The following CLEC1B variants were observed in gnomAD, a reference collection of about 807,000 sequenced individuals.
The protein encoded by CLEC1B is C-type lectin-like receptor 2.
Under a neutral mutation model 26.7 loss-of-function variants are expected in CLEC1B, and 26 were observed. The ratio of observed to expected loss-of-function variants is 0.97; its 90% CI spans 0.71 to 1.35. CLEC1B has a LOEUF of 1.35. Among genes scored for constraint, CLEC1B ranks in the 40% most tolerant of loss-of-function variants. The pLI, the probability that CLEC1B is intolerant of heterozygous loss-of-function variation, is 0.00. For missense variants in CLEC1B, 293 were observed against 282.6 expected, an observed-to-expected ratio of 1.04 and a Z score of -0.26; for synonymous variants, 112 against 96.0, an observed-to-expected ratio of 1.17 and a Z score of -0.97.
upstream of CLEC1B, chr12:9,999,416 C>T (rs4764178): frequency 0.44 from 92,467 of 210,466 alleles, 20,687 homozygotes; most frequent in Non-Finnish European, 0.46. Context: ...CCATCATGTG[C>T]ATCCTTTCTA....
At chr12:9,998,207 A>C in intron 2 of CLEC1B, 75 bp downstream of exon 2, 1 of 1,097,032 alleles carries the variant, frequency 9.1e-7, no homozygotes, top group Non-Finnish European at 1.4e-6. Flanking sequence ...GACCATTGAG[A>C]AGCTTAGTGG....
chr12:10,001,773 C>T (rs569725960), upstream of CLEC1B, among the ~76,000 whole-genome samples: 3 of 152,262 alleles, frequency 2.0e-5, no homozygotes, highest in South Asian at 6.2e-4. Context: ...CCCTCCAAGT[C>T]CCGTTATTAG....
chr12:10,001,532 G>T (rs1865158900), upstream of CLEC1B, among the ~76,000 whole-genome samples: 1 of 152,124 alleles, frequency 6.6e-6, no homozygotes, highest in African/African-American at 2.4e-5. Context: ...CCCCTCACAT[G>T]ACTTTGTGGT....
intron 5 of CLEC1B, 118 bp from the exon 6 acceptor site, chr12:9,993,405 A>G: frequency 1.5e-6 from 1 of 668,260 alleles, no homozygotes; most frequent in Non-Finnish European, 2.3e-6. Context: ...GGAAAAAAAA[A>G]CAAAAAAAAA....
chr12:9,994,946 A>T (rs933536614), intron 5 of CLEC1B, 194 bp downstream of exon 5: 32 of 1,414,384 alleles, frequency 2.3e-5, no homozygotes, highest in Middle Eastern at 4.8e-4. Context: ...ATTGTGGCTT[A>T]GATAAAGAGC....
At chr12:9,997,461 AG>A (rs1449747850) in intron 2 of CLEC1B, among the ~76,000 whole-genome samples, 182 bp from the exon 3 acceptor site, 1 of 152,172 alleles carries the variant, frequency 6.6e-6, no homozygotes, top group Non-Finnish European at 1.5e-5. Flanking sequence ...AGAAATACAC[AG>A]AACTGACGCC....
chr12:9,997,209 C>T lies in CLEC1B; in HGVS notation c.234G>A (p.Lys78=), dbSNP rs752032462. The change falls in exon 3 of 6, where the codon AAG becomes AAA. Residue 78 remains lysine, a synonymous_variant. Transcript: ENST00000298527. ...NRTGTLQQLA[K]RFCQYVVKQS... ...GTTTTACCACATATTGACAGAAGCG[C>T]TTTGCTAATTGTTGCAGAGTTCCTG... is the stretch of plus-strand genomic sequence containing the variant. The T allele has an allele frequency of 2.6e-5, 42 of 1,613,954 alleles. No individual in the cohort carries two copies. The South Asian group carries it at 4.4e-4, about 17-fold the overall frequency.
chr12:9,997,060 A>C (rs1159884414), intron 3 of CLEC1B, 60 bp from the exon 4 acceptor site: 3 of 1,609,166 alleles, frequency 1.9e-6, no homozygotes, highest in Admixed American at 3.4e-5. Context: ...CATTTTCTTC[A>C]CATTCAATGT....
rs1865009652 is a variant in CLEC1B, at chr12:9,995,193, C to A, written c.492G>T (p.Gln164His). The A allele has an allele frequency of 3.7e-6, 6 of 1,613,184 alleles. No individual in the cohort carries two copies. The highest frequency in any genetic ancestry group is 5.1e-6 in the Non-Finnish European group (6 of 1,179,240). Residue 164 changes from glutamine (Q) to histidine (H), a missense_variant, in exon 5 of 6, where the codon CAG becomes CAT. Physicochemically the swap from Gln to His is conservative, Grantham distance 24. Transcript: ENST00000298527. ...HLIRWVGLSR[Q>H]KSNEVWKWED... ...CCCACTTCCAGACCTCATTCGACTT[C>A]TGGCGAGATAATCCGACCCAACGAA...
chr12:9,993,871 G>A (rs542700), intron 5 of CLEC1B, among the ~76,000 whole-genome samples: 82,972 of 151,928 alleles, frequency 0.55, 23,011 homozygotes, highest in South Asian at 0.72. Flanking sequence ...TTTATTTGGA[G>A]AATACCTGCA....
intron 1 of CLEC1B, 91 bp downstream of exon 1, chr12:9,998,941 TTAAAC>T: frequency 1.4e-6 from 1 of 718,642 alleles, no homozygotes. Flanking sequence ...GAAAAAGAAA[TTAAAC>T]TATATATATT....
upstream of CLEC1B, among the ~76,000 whole-genome samples, chr12:10,001,037 AG>A (rs1423250785): frequency 1.3e-5 from 2 of 152,252 alleles, no homozygotes; most frequent in Non-Finnish European, 2.9e-5. Context: ...GGTACCAAAC[AG>A]GTACATATGA....
rs1453517636 is a variant in CLEC1B, at chr12:9,998,338, A to G, written c.107T>C (p.Ile36Thr). 3.7e-6 allele frequency: 6 copies of G among 1,613,966 alleles called. No homozygotes were observed. In the African/African-American group the frequency reaches 6.7e-5, roughly 18 times the overall value. The part of the protein sequence containing the change: ...SSSWWRVMAL[I>T]LLILCVGMVV... ...CATCCCCACGCACAGGATCAGCAGA[A>G]TCAAAGCCATCACACGCCACCAGGA... The change falls in exon 2 of 6, where the codon ATT becomes ACT. Residue 36 changes from isoleucine (I) to threonine (T), a missense_variant. Coordinates refer to ENST00000298527, the MANE Select transcript of CLEC1B (RefSeq NM_016509.4).
chr12:9,994,257 G>A (rs981541312), intron 5 of CLEC1B, among the ~76,000 whole-genome samples: 2 of 152,072 alleles, frequency 1.3e-5, no homozygotes, highest in African/African-American at 4.8e-5. Context: ...TTTGTTGGAA[G>A]AATGTAAAGA....
At chr12:9,993,567 C>G (rs1339327117) in intron 5 of CLEC1B, among the ~76,000 whole-genome samples, 1 of 151,904 alleles carries the variant, frequency 6.6e-6, no homozygotes, top group African/African-American at 2.4e-5. Flanking sequence ...GGAGATGGCT[C>G]CAAAATAATG....
At position 9,995,186 on chromosome 12, in the gene CLEC1B, T is replaced by A. The variant is rs1402601194; in HGVS notation, c.499A>T (p.Asn167Tyr). ...CCATCCTCCCACTTCCAGACCTCAT[T>A]CGACTTCTGGCGAGATAATCCGACC... ...RWVGLSRQKS[N>Y]EVWKWEDGSV... is the part of the protein sequence containing the mutation. Residue 167 changes from asparagine (N) to tyrosine (Y), a missense_variant, in exon 5 of 6, where the codon AAT becomes TAT. Physicochemically the swap from Asn to Tyr is moderately radical, Grantham distance 143. Coordinates refer to ENST00000298527, the MANE Select transcript of CLEC1B (RefSeq NM_016509.4). The A allele has an allele frequency of 6.2e-7, 1 of 1,613,178 alleles. No individual in the cohort carries two copies. The highest frequency in any genetic ancestry group is 1.7e-5 in the Admixed American group (1 of 60,006).
intron 4 of CLEC1B, 125 bp from the exon 5 acceptor site, chr12:9,995,371 G>A: frequency 1.2e-6 from 1 of 800,022 alleles, no homozygotes. Context: ...TAGTATTAAT[G>A]GATTACATTT....
chr12:10,000,764 G>C (rs563910048), upstream of CLEC1B, among the ~76,000 whole-genome samples: 140 of 152,262 alleles, frequency 9.2e-4, no homozygotes, highest in Non-Finnish European at 1.6e-3. Flanking sequence ...ATTGGGGTTG[G>C]AATGGGGTTT....
At chr12:9,999,147 A>T, upstream of CLEC1B, 1 of 1,305,940 alleles carries the variant, frequency 7.7e-7, no homozygotes, top group Non-Finnish European at 1.1e-6. Context: ...TGACTTTGCA[A>T]AATGTAGTTT....
Sources: allele counts gnomAD v4.1 joint callset (sites outside exome capture counted in the v4.1 genomes callset), GRCh38; gene constraint gnomAD v4.1.1; transcripts MANE v1.5; gene names NCBI Gene and HGNC (gene_info 2026-07-23, HGNC 2026-07-21).